ADRA1A: variants seen among roughly 807,000 people sequenced by gnomAD.
ADRA1A encodes adrenoceptor alpha 1A.
Under a neutral mutation model 29.6 loss-of-function variants are expected in ADRA1A, and 31 were observed. The ratio of observed to expected loss-of-function variants is 1.05; its 90% confidence interval spans 0.79 to 1.41. The LOEUF (loss-of-function observed/expected upper bound fraction) is 1.41. Among genes scored for constraint, ADRA1A ranks in the 40% most tolerant of loss-of-function variants. The probability of loss-of-function intolerance (pLI) is 0.00; values close to 1 mark genes in which losing one functional copy is unlikely to be tolerated. For synonymous variants in ADRA1A, 311 were observed against 254.3 expected (o/e 1.22, Z -2.12); for missense variants, 619 against 601.1 (o/e 1.03, Z -0.31).
chr8:26,801,238 A>G lies in ADRA1A; in HGVS notation c.884-30572T>C, dbSNP rs527636325. ...GAACAAGACAAGCATGTTCACTTTC[A>G]CTGCCGTTATTTAACATGGTACTGG... On this transcript the variant is annotated intron_variant, in intron 2 of 2. Coordinates refer to ENST00000380573, the MANE Select transcript of ADRA1A (RefSeq NM_000680.4). 1.3e-5 allele frequency among the ~76,000 whole-genome samples: 2 copies of G among 152,324 alleles called. 1 individual carries two copies. Among genetic ancestry groups the G allele is most frequent in the South Asian group, 4.1e-4 (2 of 4,832 alleles).
Position 26,770,440 on chromosome 8 carries a change from T to G in ADRA1A, c.1110A>C (p.Gln370His), listed in dbSNP as rs1461161669. 4 of 1,614,098 alleles carry G rather than the reference T, an allele frequency of 2.5e-6. No individual in the cohort carries two copies. The African/African-American group carries it at 5.3e-5, about 22-fold the overall frequency. The change falls in exon 3 of 3, where the codon CAA (glutamine) becomes CAC (histidine). Residue 370 changes from glutamine to histidine, a missense_variant. By Grantham distance (24) the Gln-to-His change is conservative (BLOSUM62 0). Coordinates refer to ENST00000380573, the MANE Select transcript of ADRA1A (RefSeq NM_000680.4). ...CGGGGATGCGCACCATGTCCTTGTG[T>G]TGCCCTTCCACGGCCTGGCTGGGCG... ...LHPPSQAVEG[Q>H]HKDMVRIPVG...
intron 2 of ADRA1A, among the ~76,000 whole-genome samples, chr8:26,837,148 A>G (rs115911389): frequency 0.036 from 5,520 of 152,162 alleles, 134 homozygotes; most frequent in Middle Eastern, 0.12. Flanking sequence ...TCAATAGAAA[A>G]AAAAAAAGCA....
chr8:26,763,645 T>C (rs115332078), downstream of ADRA1A, among the ~76,000 whole-genome samples: 3,265 of 152,266 alleles, frequency 0.021, 117 homozygotes, highest in African/African-American at 0.072. The surrounding 1 kb of genome is among the most constrained non-coding windows in gnomAD (Gnocchi z 4.5). Context: ...AAAATATTTG[T>C]ATGTGGAACA....
At chr8:26,795,879 C>T (rs1271242180) in intron 2 of ADRA1A, among the ~76,000 whole-genome samples, 6 of 151,904 alleles carry the variant, frequency 3.9e-5, no homozygotes, top group South Asian at 2.1e-4. Context: ...AAAAAGAAAG[C>T]GTAAGGGAGA....
chr8:26,852,601 C>A (rs564581808), intron 2 of ADRA1A, among the ~76,000 whole-genome samples: 1 of 152,070 alleles, frequency 6.6e-6, no homozygotes, highest in Non-Finnish European at 1.5e-5. Context: ...ATGGAAAATA[C>A]GAAAATAAAG....
intron 2 of ADRA1A, among the ~76,000 whole-genome samples, chr8:26,809,274 C>A (rs1278493702): frequency 1.3e-5 from 2 of 152,140 alleles, no homozygotes; most frequent in African/African-American, 4.8e-5. Flanking sequence ...CTAGAATATT[C>A]TTCCTCTGTC....
In ADRA1A at chr8:26,796,751, A is replaced by G. The variant is rs369622616; in HGVS notation, c.884-26085T>C. Reference sequence around the variant, plus strand: ...CGAAAGGGGGGTACAAGATGAAGGGACACCCCTGAAATCGGGCACAGGCAC... The same window carrying G: ...CGAAAGGGGGGTACAAGATGAAGGGGCACCCCTGAAATCGGGCACAGGCAC... On this transcript the variant is annotated intron_variant, in intron 2 of 2. Transcript: ENST00000380573. The surrounding 1 kb of genome is among the most constrained non-coding windows in gnomAD (Gnocchi z 5.0). Among the ~76,000 whole-genome samples the G allele has an allele frequency of 3.3e-5, 5 of 152,244 alleles. No individual in the cohort carries two copies. Among genetic ancestry groups the G allele is most frequent in the African/African-American group, 1.2e-4 (5 of 41,544 alleles).
At chr8:26,826,827 G>GCTAT (rs1810607487) in intron 2 of ADRA1A, among the ~76,000 whole-genome samples, 1 of 152,184 alleles carries the variant, frequency 6.6e-6, no homozygotes, top group Admixed American at 6.5e-5. Context: ...CAGTAGGAGA[G>GCTAT]CTATCTGCCA....
At chr8:26,811,357 G>T (rs905194728) in intron 2 of ADRA1A, among the ~76,000 whole-genome samples, 3 of 152,076 alleles carry the variant, frequency 2.0e-5, no homozygotes, top group Non-Finnish European at 4.4e-5. Flanking sequence ...CACCCTCGGA[G>T]AATTTTTTGT....
At position 26,865,427 on chromosome 8, in the gene ADRA1A, C is replaced by A. The variant is rs866984610; in HGVS notation, c.-458G>T. ...ATTCAAAACTCCAGCGCCAGTCTCT[C>A]CCTCAAACCAAAAGATCAGCCGTCG... On this transcript the variant is annotated 5_prime_UTR_variant, in exon 2 of 3. Coordinates refer to ENST00000380573, the MANE Select transcript of ADRA1A (RefSeq NM_000680.4). The surrounding 1 kb of genome is among the most constrained non-coding windows in gnomAD (Gnocchi z 7.6). The A allele has an allele frequency of 4.9e-5, 49 of 1,002,968 alleles. No individual in the cohort carries two copies. The highest frequency in any genetic ancestry group is 5.7e-5 in the Non-Finnish European group (48 of 840,674). The allele number at this position is 1,002,968 out of a possible 1,614,324, so 62.1% of individuals were successfully genotyped here.
At chr8:26,862,210 T>G (rs906548477) in intron 2 of ADRA1A, among the ~76,000 whole-genome samples, 4 of 152,192 alleles carry the variant, frequency 2.6e-5, no homozygotes, top group Non-Finnish European at 4.4e-5. Flanking sequence ...CTCTTTCCCA[T>G]CTCTGTACTC....
chr8:26,864,088 A>C lies in ADRA1A; in HGVS notation c.882T>G (p.Ile294Met), dbSNP rs770575130. The C allele has an allele frequency of 6.2e-7, 1 of 1,611,948 alleles. No homozygotes were observed. Among genetic ancestry groups the C allele is most frequent in the Admixed American group, 1.7e-5 (1 of 59,870 alleles). Reference sequence around the variant, plus strand: ...AAGTGAGGGGTGTTCAAGACTTACCAATGGGCATGACTAAGAAAAAAGGCA... The same window carrying C: ...AAGTGAGGGGTGTTCAAGACTTACCCATGGGCATGACTAAGAAAAAAGGCA... ...CWLPFFLVMPIGSFFPDFKPS... is the reference protein window; with the variant it reads ...CWLPFFLVMPMGSFFPDFKPS... The change falls in exon 2 of 3, where the codon ATT (isoleucine) becomes ATG (methionine). Residue 294 changes from isoleucine to methionine, a missense_variant and splice_region_variant. Ile to Met is a conservative substitution (Grantham distance 10). Transcript: ENST00000380573. The surrounding 1 kb of genome is among the most constrained non-coding windows in gnomAD (Gnocchi z 8.1).
intron 2 of ADRA1A, among the ~76,000 whole-genome samples, chr8:26,757,855 A>ACATG (rs1563229308): frequency 3.4e-4 from 50 of 146,758 alleles, no homozygotes; most frequent in African/African-American, 9.8e-4. Context: ...TTATATAAGC[A>ACATG]CACGCACACA....
At chr8:26,854,434 A>AGG (rs1563310604) in intron 2 of ADRA1A, 5 of 77,002 alleles carry the variant, frequency 6.5e-5, no homozygotes, top group African/African-American at 2.0e-4. Flanking sequence ...GGGGGGGGGG[A>AGG]GCAGGCAGAG....
intron 2 of ADRA1A, among the ~76,000 whole-genome samples, chr8:26,838,419 A>G (rs1811554156): frequency 1.3e-5 from 2 of 152,186 alleles, no homozygotes; most frequent in Non-Finnish European, 2.9e-5. Context: ...AGAGGACAAT[A>G]ACTGGAATCT....
chr8:26,844,950 A>G (rs745929316), intron 2 of ADRA1A, among the ~76,000 whole-genome samples: 1 of 152,206 alleles, frequency 6.6e-6, no homozygotes, highest in Non-Finnish European at 1.5e-5. Flanking sequence ...AAAAATCATA[A>G]TGTTTTAAGA....
At chr8:26,800,128 G>A (rs184299695) in intron 2 of ADRA1A, among the ~76,000 whole-genome samples, 6 of 152,092 alleles carry the variant, frequency 3.9e-5, no homozygotes, top group Middle Eastern at 3.4e-3. Flanking sequence ...GCATGTTGGC[G>A]CATGCCTGTA....
In ADRA1A at chr8:26,805,889, GAC is replaced by G. The variant is rs1563266881; in HGVS notation, c.884-35225_884-35224del. Among the ~76,000 whole-genome samples, 1 of 152,132 alleles carries G rather than the reference GAC, an allele frequency of 6.6e-6. No homozygotes were observed. Reference sequence around the variant, plus strand: ...CCAAGTGACGTTGGCCCTTGATAAAGACACAGCTTATCAGAGCCTGTGCCCCC... The same window carrying G: ...CCAAGTGACGTTGGCCCTTGATAAAGACAGCTTATCAGAGCCTGTGCCCCC... On this transcript the variant is annotated intron_variant, in intron 2 of 2. Coordinates refer to ENST00000380573, the MANE Select transcript of ADRA1A (RefSeq NM_000680.4). This position sits in a 1 kb window ranked among gnomAD's most constrained non-coding sequence, Gnocchi z 4.8.
chr8:26,845,788 A>G (rs1177476813), intron 2 of ADRA1A, among the ~76,000 whole-genome samples: 3 of 152,222 alleles, frequency 2.0e-5, no homozygotes, highest in East Asian at 3.8e-4. Context: ...ATACCATAAC[A>G]TGGATGAAGC....
Sources: gnomAD v4.1 joint callset for allele counts (sites outside exome capture counted in the v4.1 genomes callset) on GRCh38, gnomAD v4.1.1 for gene constraint, Gnocchi (gnomAD v3.1) non-coding constraint, MANE v1.5 for transcripts, NCBI Gene and HGNC (gene_info 2026-07-23, HGNC 2026-07-21) for gene names.